Variants in LANCL1 observed in about 807,000 individuals in gnomAD.
LANCL1 encodes the protein glutathione S-transferase LANCL1.
LANCL1 carries 50 observed loss-of-function variants against 50.6 expected under a neutral mutation model. The observed-to-expected ratio is 0.99, with a 90% CI of 0.79 to 1.25. LANCL1 has a LOEUF of 1.25. Ranked by LOEUF, LANCL1 falls within the 50% of genes most tolerant of loss-of-function variation. LANCL1 has a pLI of 0.00. For missense variants in LANCL1, 532 were observed against 480.7 expected, an observed-to-expected ratio of 1.11 and a Z score of -1.00; for synonymous variants, 188 against 178.6, an observed-to-expected ratio of 1.05 and a Z score of -0.42.
At chr2:210,457,311 T>C (rs1693701747) in intron 3 of LANCL1, among the ~76,000 whole-genome samples, 2 of 152,210 alleles carry the variant, frequency 1.3e-5, no homozygotes. Flanking sequence ...CAGTATTTTA[T>C]ATAATAGAAA....
rs1692847548 is a variant in LANCL1, at chr2:210,434,393, T to C, written c.*94A>G. On this transcript the variant is annotated 3_prime_UTR_variant, in exon 10 of 10. Transcript: ENST00000450366. ...AACAAAATCAAGTCCACAGTTTGAC[T>C]CTTTGTTTCCTTGGAAAGCAACGGA... The C allele has an allele frequency of 3.4e-6, 3 of 877,270 alleles. No individual in the cohort carries two copies. The highest frequency in any genetic ancestry group is 2.4e-5 in the Admixed American group (1 of 41,306). The allele number at this position is 877,270 out of a possible 1,614,324, so 54.3% of individuals were successfully genotyped here.
chr2:210,439,994 T>C (rs1693075508), intron 6 of LANCL1, among the ~76,000 whole-genome samples: 1 of 152,222 alleles, frequency 6.6e-6, no homozygotes, highest in African/African-American at 2.4e-5. Flanking sequence ...AGTCCTCTTC[T>C]GATCTCTCCC....
intron 3 of LANCL1, among the ~76,000 whole-genome samples, chr2:210,467,773 T>C (rs1694110455): frequency 6.6e-6 from 1 of 152,176 alleles, no homozygotes; most frequent in South Asian, 2.1e-4. Flanking sequence ...GTGTCATCTC[T>C]TCACTAGAAC....
intron 8 of LANCL1, among the ~76,000 whole-genome samples, chr2:210,435,893 CT>C (rs71043994): frequency 0.17 from 11,089 of 64,254 alleles, 317 homozygotes; most frequent in East Asian, 0.37. Context: ...GGGAGACCTG[CT>C]TTTTTTTTTT....
chr2:210,471,325 G>A (rs1030504090), intron 3 of LANCL1, among the ~76,000 whole-genome samples: 8 of 151,902 alleles, frequency 5.3e-5, no homozygotes, highest in African/African-American at 1.9e-4. Context: ...GATTACAGGT[G>A]TGAGCCACTG....
chr2:210,436,374 AC>A lies in LANCL1; in HGVS notation c.891del (p.Lys297AsnfsTer12). The A allele has an allele frequency of 6.2e-7, 1 of 1,613,960 alleles. No individual in the cohort carries two copies. Among genetic ancestry groups the A allele is most frequent in the Non-Finnish European group, 8.5e-7 (1 of 1,179,888 alleles). ...IQAYKVFREE[K>X]YLCDAYQCAD... is the part of the protein sequence containing the mutation. ...GCACACTGATAGGCATCACAGAGAT[AC>A]TTTTCCTCTCTGAATACCTGCAGAG... On this transcript the variant is annotated frameshift_variant, in exon 8 of 10. Coordinates refer to ENST00000450366, the MANE Select transcript of LANCL1 (RefSeq NM_006055.3). LOFTEE classifies it high-confidence loss of function.
intron 4 of LANCL1, among the ~76,000 whole-genome samples, chr2:210,447,753 CAAAG>C (rs1200469032): frequency 2.6e-5 from 4 of 151,982 alleles, no homozygotes; most frequent in African/African-American, 9.7e-5. Context: ...TCAAAAGAGA[CAAAG>C]AAGGCCATTA....
At chr2:210,448,462 A>G (rs4673529) in intron 4 of LANCL1, among the ~76,000 whole-genome samples, 91,813 of 151,868 alleles carry the variant, frequency 0.6, 28,518 homozygotes, top group East Asian at 0.83. Flanking sequence ...AATAGCAAAC[A>G]AATTCAAAAG....
rs1367505968 is a variant in LANCL1, at chr2:210,432,388, TTG to T, written c.*2097_*2098del. 3.3e-5 allele frequency: 5 copies of T among 152,194 alleles called. No individual in the cohort carries two copies. Among genetic ancestry groups the T allele is most frequent in the Non-Finnish European group, 5.9e-5 (4 of 68,036 alleles). The allele number at this position is 152,194 out of a possible 1,614,324, so 9.4% of individuals were successfully genotyped here. A position where few individuals can be genotyped will look rare whatever the true frequency, so the allele number is the denominator to read the frequency against. ...CATTTATGCTGGGGGTTGCAATTTTTTGTGTGAAAAATCAGACCTTGGCAATG... is the reference window on the plus strand; with the variant it reads ...CATTTATGCTGGGGGTTGCAATTTTTTGTGAAAAATCAGACCTTGGCAATG... On this transcript the variant is annotated 3_prime_UTR_variant, in exon 10 of 10. Transcript: ENST00000450366.
intron 3 of LANCL1, among the ~76,000 whole-genome samples, chr2:210,464,982 A>AAACAACAACAAC (rs1553714488): frequency 0.4 from 56,404 of 139,532 alleles, 12,061 homozygotes; most frequent in East Asian, 0.61. Flanking sequence ...CAAAAAAAAA[A>AAACAACAACAAC]AAAAAAAAAC....
intron 4 of LANCL1, among the ~76,000 whole-genome samples, chr2:210,448,541 CA>C (rs199822623): frequency 2.6e-5 from 4 of 151,582 alleles, no homozygotes; most frequent in Non-Finnish European, 5.9e-5. Context: ...AAAAACCCTT[CA>C]AAAAAAATCA....
rs755709536 is a variant in LANCL1 at position 210,436,377 on chromosome 2, T to C, written c.889A>G (p.Lys297Glu). 7.4e-6 allele frequency: 12 copies of C among 1,613,780 alleles called. No individual in the cohort carries two copies. The highest frequency in any genetic ancestry group is 6.7e-5 in the Admixed American group (4 of 59,990). ...CACTGATAGGCATCACAGAGATACT[T>C]TTCCTCTCTGAATACCTGCAGAGGC... Reference protein sequence around the residue: ...IQAYKVFREEKYLCDAYQCAD... With the variant: ...IQAYKVFREEEYLCDAYQCAD... Residue 297 changes from lysine (K) to glutamate (E), a missense_variant, in exon 8 of 10, where the codon AAG becomes GAG. By Grantham distance (56) the Lys-to-Glu change is moderately conservative. Coordinates refer to ENST00000450366, the MANE Select transcript of LANCL1 (RefSeq NM_006055.3).
In LANCL1 at chr2:210,476,326, G is replaced by C. The variant is rs201464143; in HGVS notation, c.71C>G (p.Ala24Gly). 6.2e-7 allele frequency: 1 copy of C among 1,613,140 alleles called. No individual in the cohort carries two copies. Among genetic ancestry groups the C allele is most frequent in the East Asian group, 2.2e-5 (1 of 44,854 alleles). ...NKSLAEGYFD[A>G]AGRLTPEFSQ... ...ATATCCTAAACTCACCCTCCCGGCA[G>C]CATCAAAGTAGCCTTCGGCCAGGGA... The change falls in exon 2 of 10, where the codon GCT (alanine) becomes GGT (glycine). Residue 24 changes from alanine to glycine, a missense_variant. Coordinates refer to ENST00000450366, the MANE Select transcript of LANCL1 (RefSeq NM_006055.3).
chr2:210,457,583 C>T (rs1693709363), intron 3 of LANCL1, among the ~76,000 whole-genome samples: 1 of 152,068 alleles, frequency 6.6e-6, no homozygotes, highest in African/African-American at 2.4e-5. Context: ...CCTTCAAATG[C>T]AATGTTTATC....
chr2:210,444,975 C>T (rs539104971), intron 4 of LANCL1, among the ~76,000 whole-genome samples: 40 of 151,582 alleles, frequency 2.6e-4, no homozygotes, highest in Non-Finnish European at 4.6e-4. Context: ...AGCTCAGTAA[C>T]GTTGGGGCCA....
At chr2:210,453,938 A>C (rs1693584236) in intron 4 of LANCL1, among the ~76,000 whole-genome samples, 1 of 152,108 alleles carries the variant, frequency 6.6e-6, no homozygotes, top group South Asian at 2.1e-4. Context: ...TGGAATGTTC[A>C]GTTTTTTTCC....
chr2:210,471,815 G>A, intron 3 of LANCL1, 144 bp downstream of exon 3: 1 of 745,414 alleles, frequency 1.3e-6, no homozygotes, highest in Non-Finnish European at 2.4e-6. Context: ...TTGGGTTGAG[G>A]GCACAGCACT....
intron 3 of LANCL1, among the ~76,000 whole-genome samples, chr2:210,465,720 T>A (rs1387145963): frequency 6.6e-6 from 1 of 152,096 alleles, no homozygotes; most frequent in Non-Finnish European, 1.5e-5. Context: ...AGGAAGAAGT[T>A]TGGCTTAAAA....
chr2:210,469,487 A>C (rs1205881290), intron 3 of LANCL1, among the ~76,000 whole-genome samples: 1 of 152,160 alleles, frequency 6.6e-6, no homozygotes, highest in Non-Finnish European at 1.5e-5. Flanking sequence ...TTGCCTTGAA[A>C]ACCATTAGCA....
Sources: allele counts gnomAD v4.1 joint callset (sites outside exome capture counted in the v4.1 genomes callset), GRCh38; gene constraint gnomAD v4.1.1; transcripts MANE v1.5; gene names NCBI Gene and HGNC (gene_info 2026-07-23, HGNC 2026-07-21).